The following TMEM63C variants were observed in gnomAD, a reference collection of about 807,000 sequenced individuals.
TMEM63C encodes transmembrane protein 63C.
In TMEM63C, 32 loss-of-function variants were observed where a neutral mutation model predicts 99.2. That is an observed-to-expected ratio of 0.32 (90% CI 0.24 to 0.43). The LOEUF is 0.43. Among genes scored for constraint, TMEM63C ranks in the 20% least tolerant of loss-of-function variants. The pLI, the probability that TMEM63C is intolerant of heterozygous loss-of-function variation, is 1.00. For missense variants in TMEM63C, 826 were observed against 1,053.0 expected, an observed-to-expected ratio of 0.78 and a Z score of 2.98; for synonymous variants, 376 against 397.9, an observed-to-expected ratio of 0.94 and a Z score of 0.66.
At position 77,192,105 on chromosome 14, in the gene TMEM63C, A is replaced by G. The variant is rs78094668; in HGVS notation, c.-77+10211A>G. Among the ~76,000 whole-genome samples, 1,273 of 152,292 alleles carry G rather than the reference A, an allele frequency of 8.4e-3. 10 individuals are homozygous for G. The highest frequency in any genetic ancestry group is 0.065 in the Middle Eastern group (19 of 294). The stretch of plus-strand genomic sequence containing the variant: ...GCTTTTGACTGATATAAATACGGCC[A>G]TCCTTGCTCTCTTTTGGTTACCATT... On this transcript the variant is annotated intron_variant, in intron 1 of 23. Transcript: ENST00000298351.
At chr14:77,192,804 A>G (rs192046783) in intron 1 of TMEM63C, among the ~76,000 whole-genome samples, 3 of 152,044 alleles carry the variant, frequency 2.0e-5, no homozygotes, top group African/African-American at 7.2e-5. Flanking sequence ...AGGAGGAGGA[A>G]GAGGAAGAAG....
intron 1 of TMEM63C, among the ~76,000 whole-genome samples, chr14:77,195,492 G>T (rs1042075621): frequency 1.3e-5 from 2 of 152,318 alleles, no homozygotes; most frequent in Admixed American, 6.5e-5. Flanking sequence ...TTAAAATGCA[G>T]GTTCCCAAAC....
chr14:77,215,614 A>AAAAAAAAAAAAAAAAG (rs772701077), intron 2 of TMEM63C, among the ~76,000 whole-genome samples: 4 of 76,530 alleles, frequency 5.2e-5, no homozygotes, highest in African/African-American at 2.2e-4. Flanking sequence ...AAAAAAAAAA[A>AAAAAAAAAAAAAAAAG]AAAAGAAAAG....
intron 13 of TMEM63C, among the ~76,000 whole-genome samples, chr14:77,240,941 T>TC (rs1889161522): frequency 3.8e-5 from 4 of 104,274 alleles, no homozygotes; most frequent in Non-Finnish European, 6.4e-5. Flanking sequence ...CTTTTTTTTT[T>TC]TTTTTCTTTT....
chr14:77,253,577 A>T (rs1217229772), intron 23 of TMEM63C, among the ~76,000 whole-genome samples: 1 of 152,224 alleles, frequency 6.6e-6, no homozygotes. Flanking sequence ...GAAGAGTGAG[A>T]AAAAGAGAAG....
At chr14:77,232,577 C>T (rs145461454) in intron 7 of TMEM63C, among the ~76,000 whole-genome samples, 5,128 of 152,266 alleles carry the variant, frequency 0.034, 298 homozygotes, top group African/African-American at 0.12. Context: ...CATGAGCCAC[C>T]GCACCTGGCC....
intron 1 of TMEM63C, among the ~76,000 whole-genome samples, chr14:77,210,384 ACT>A (rs1888475179): frequency 6.6e-6 from 1 of 151,938 alleles, no homozygotes; most frequent in Admixed American, 6.6e-5. Context: ...TCTGCTGGAG[ACT>A]CAGTTTCTCC....
intron 1 of TMEM63C, among the ~76,000 whole-genome samples, chr14:77,185,174 T>A (rs1039568572): frequency 1.3e-5 from 2 of 152,198 alleles, no homozygotes; most frequent in African/African-American, 2.4e-5. Context: ...CCTTCTGCTT[T>A]TCCCAGCCTT....
chr14:77,194,334 ATATGTGTG>A lies in TMEM63C; in HGVS notation c.-77+12442_-77+12449del, dbSNP rs1307054708. On this transcript the variant is annotated intron_variant, in intron 1 of 23. Transcript: ENST00000298351. ...TAAAGATGCAGGCATAGATATATAT[ATATGTGTG>A]TGTGTGTGTGTGTGTGTGTGTGTGT... is the stretch of plus-strand genomic sequence containing the variant. Among the ~76,000 whole-genome samples the A allele has an allele frequency of 2.4e-3, 170 of 72,040 alleles. 2 individuals carry two copies. Among genetic ancestry groups the A allele is most frequent in the Middle Eastern group, 8.6e-3 (1 of 116 alleles). 47.3% of individuals were successfully genotyped at this position (72,040 alleles called of 152,430 possible). A position where few individuals can be genotyped will look rare whatever the true frequency, so the allele number is the denominator to read the frequency against.
At position 77,259,017 on chromosome 14, in the gene TMEM63C, T is replaced by C. The variant is rs932877087; in HGVS notation, c.*2291T>C. On this transcript the variant is annotated 3_prime_UTR_variant, in exon 24 of 24. Coordinates refer to ENST00000298351, the MANE Select transcript of TMEM63C (RefSeq NM_020431.4). ...CTCCATCTGGACCTCCCATGGTCAC[T>C]ACAGGATGGTGGAGCAGGGGGCATC... is the stretch of plus-strand genomic sequence containing the variant. 6.5e-6 allele frequency: 1 copy of C among 152,702 alleles called. No homozygotes were observed. Among genetic ancestry groups the C allele is most frequent in the African/African-American group, 2.4e-5 (1 of 41,416 alleles). The allele number at this position is 152,702 out of a possible 1,614,324, so 9.5% of individuals were successfully genotyped here.
chr14:77,203,648 G>A (rs1020781526), intron 1 of TMEM63C, among the ~76,000 whole-genome samples: 2 of 152,260 alleles, frequency 1.3e-5, no homozygotes, highest in Non-Finnish European at 2.9e-5. Context: ...CTGAGGACAG[G>A]CCATATGTAA....
chr14:77,222,402 G>A (rs1360051916), intron 5 of TMEM63C, among the ~76,000 whole-genome samples: 1 of 152,174 alleles, frequency 6.6e-6, no homozygotes, highest in African/African-American at 2.4e-5. Context: ...CCTCTTGCCT[G>A]GACAACTGCA....
At chr14:77,255,896 A>G (rs1889452545) in intron 23 of TMEM63C, among the ~76,000 whole-genome samples, 1 of 152,256 alleles carries the variant, frequency 6.6e-6, no homozygotes, top group African/African-American at 2.4e-5. Context: ...ATAAACTCCT[A>G]TGGGAAAGGT....
chr14:77,240,320 G>A (rs1889145319), intron 12 of TMEM63C, among the ~76,000 whole-genome samples, 155 bp from the exon 13 acceptor site: 1 of 152,166 alleles, frequency 6.6e-6, no homozygotes, highest in South Asian at 2.1e-4. Context: ...TCTTGTTCTA[G>A]AGGTGGGACT....
chr14:77,182,193 T>C (rs76836027), intron 1 of TMEM63C, among the ~76,000 whole-genome samples: 2 of 151,884 alleles, frequency 1.3e-5, no homozygotes, highest in African/African-American at 4.8e-5. Flanking sequence ...GGAGGTTTGC[T>C]TGGGGGGTCC....
intron 1 of TMEM63C, among the ~76,000 whole-genome samples, chr14:77,209,088 AGTTT>A (rs1268510928): frequency 6.6e-6 from 1 of 152,180 alleles, no homozygotes; most frequent in Non-Finnish European, 1.5e-5. Flanking sequence ...GCAACAACTT[AGTTT>A]GTGGCACAGT....
At chr14:77,243,200 TG>T in intron 15 of TMEM63C, 144 bp downstream of exon 15, 1 of 1,018,014 alleles carries the variant, frequency 9.8e-7, no homozygotes, top group Non-Finnish European at 1.4e-6. Flanking sequence ...ATGGTGCAAA[TG>T]GCGGGGTAGG....
intron 6 of TMEM63C, among the ~76,000 whole-genome samples, chr14:77,228,360 A>G (rs1395638025): frequency 6.6e-6 from 1 of 151,170 alleles, no homozygotes; most frequent in Non-Finnish European, 1.5e-5. Context: ...GTGCAAGAGG[A>G]CCTTCCCCCG....
intron 14 of TMEM63C, 35 bp from the exon 15 acceptor site, chr14:77,242,868 C>A: frequency 6.2e-7 from 1 of 1,613,562 alleles, no homozygotes; most frequent in African/African-American, 1.3e-5. Context: ...GAACTGATGT[C>A]TCTAAATGTG....
Sources: gnomAD v4.1 joint callset for allele counts (sites outside exome capture counted in the v4.1 genomes callset) on GRCh38, gnomAD v4.1.1 for gene constraint, MANE v1.5 for transcripts, NCBI Gene and HGNC (gene_info 2026-07-23, HGNC 2026-07-21) for gene names.